Variants in SGCZ observed in about 807,000 individuals in gnomAD.
SGCZ encodes the protein sarcoglycan zeta.
SGCZ carries 40 observed loss-of-function variants against 41.3 expected under a neutral mutation model. That is an observed-to-expected ratio of 0.97 (90% CI 0.75 to 1.26). The LOEUF is 1.26. SGCZ is among the 50% of genes most tolerant of loss of function. The pLI, the probability that SGCZ is intolerant of heterozygous loss-of-function variation, is 0.00. For missense variants in SGCZ, 552 were observed against 369.8 expected, an observed-to-expected ratio of 1.49 and a Z score of -4.04; for synonymous variants, 206 against 137.5, an observed-to-expected ratio of 1.50 and a Z score of -3.49.
chr8:14,801,147 A>T (rs1801308165), intron 1 of SGCZ, among the ~76,000 whole-genome samples: 1 of 152,110 alleles, frequency 6.6e-6, no homozygotes, highest in Non-Finnish European at 1.5e-5. Flanking sequence ...AATAACGAAG[A>T]TCGCATTGGT....
intron 2 of SGCZ, among the ~76,000 whole-genome samples, chr8:14,432,545 G>T (rs745349967): frequency 6.6e-6 from 1 of 152,246 alleles, no homozygotes; most frequent in Non-Finnish European, 1.5e-5. Flanking sequence ...TGAGAAGGGG[G>T]TGAGGGATAC....
At chr8:14,598,523 A>G (rs1805487535) in intron 1 of SGCZ, among the ~76,000 whole-genome samples, 1 of 151,690 alleles carries the variant, frequency 6.6e-6, no homozygotes, top group Non-Finnish European at 1.5e-5. Flanking sequence ...AGTTTTATAT[A>G]TATACATAGC....
At chr8:14,590,514 T>G (rs1478529633) in intron 1 of SGCZ, among the ~76,000 whole-genome samples, 2 of 151,286 alleles carry the variant, frequency 1.3e-5, no homozygotes, top group African/African-American at 4.8e-5. Context: ...TTCTTTAAAA[T>G]TATGTTTTTT....
At chr8:14,844,016 T>C (rs1803015642) in intron 1 of SGCZ, among the ~76,000 whole-genome samples, 1 of 150,876 alleles carries the variant, frequency 6.6e-6, no homozygotes, top group African/African-American at 2.4e-5. Context: ...TTATATATCA[T>C]ATAAATAATA....
chr8:14,928,590 T>C (rs373971764), intron 1 of SGCZ, among the ~76,000 whole-genome samples: 21 of 152,316 alleles, frequency 1.4e-4, no homozygotes, highest in African/African-American at 5.1e-4. Flanking sequence ...GAAAACAAAG[T>C]AGTTTACACA....
chr8:14,574,629 T>C (rs1804654822), intron 1 of SGCZ, among the ~76,000 whole-genome samples: 1 of 152,190 alleles, frequency 6.6e-6, no homozygotes, highest in Non-Finnish European at 1.5e-5. Flanking sequence ...TTATTGAACC[T>C]AAGAATAAAA....
At chr8:14,291,095 C>G (rs1455459897) in intron 3 of SGCZ, among the ~76,000 whole-genome samples, 3 of 152,142 alleles carry the variant, frequency 2.0e-5, no homozygotes, top group Non-Finnish European at 4.4e-5. Context: ...AAAGATATCA[C>G]TCATGTGTGG....
At chr8:14,992,707 T>G (rs1802062294) in intron 1 of SGCZ, among the ~76,000 whole-genome samples, 1 of 91,046 alleles carries the variant, frequency 1.1e-5, no homozygotes, top group African/African-American at 4.8e-5. Context: ...CCCCCACCCA[T>G]CCTCCTCATT....
rs527617900 is a variant in SGCZ at position 14,879,057 on chromosome 8, G to A, written c.40-324131C>T. ...ACCTAATTGTAGGCCAGGTGTGGTG[G>A]CTCATGCCTGTAATTCCAACACTTT... is the stretch of plus-strand genomic sequence containing the variant. On this transcript the variant is annotated intron_variant, in intron 1 of 7. Coordinates refer to ENST00000382080, the MANE Select transcript of SGCZ (RefSeq NM_139167.4). The A allele has an allele frequency of 3.9e-5, 6 of 152,346 alleles. No homozygotes were observed. In the South Asian group the frequency reaches 1.0e-3, roughly 26 times the overall value. The allele number at this position is 152,346 out of a possible 1,614,324, so 9.4% of individuals were successfully genotyped here. A position where few individuals can be genotyped will look rare whatever the true frequency, so the allele number is the denominator to read the frequency against.
rs1803855266 is a variant in SGCZ at position 14,551,571 on chromosome 8, T to TA, written c.234+3160dup. Among the ~76,000 whole-genome samples the TA allele has an allele frequency of 5.6e-4, 9 of 16,122 alleles. No individual in the cohort carries two copies. The South Asian group carries it at 0.012, about 21-fold the overall frequency. 10.6% of individuals were successfully genotyped at this position (16,122 alleles called of 152,430 possible). A position where few individuals can be genotyped will look rare whatever the true frequency, so the allele number is the denominator to read the frequency against. Reference sequence around the variant, plus strand: ...TATATAATATATATTATATATATAATATATATATAATATATATAATATATA... The same window carrying TA: ...TATATAATATATATTATATATATAATAATATATATAATATATATAATATATA... On this transcript the variant is annotated intron_variant, in intron 2 of 7. Coordinates refer to ENST00000382080, the MANE Select transcript of SGCZ (RefSeq NM_139167.4).
rs923695985 is a variant in SGCZ at position 15,139,011 on chromosome 8, T to C, written c.39+98574A>G. On this transcript the variant is annotated intron_variant, in intron 1 of 7. Coordinates refer to ENST00000382080, the MANE Select transcript of SGCZ (RefSeq NM_139167.4). Reference sequence around the variant, plus strand: ...AAATAGATGGACACTTAATGCTGGATTTAAGCATGCCCTAAGTTAAGTACT... The same window carrying C: ...AAATAGATGGACACTTAATGCTGGACTTAAGCATGCCCTAAGTTAAGTACT... 2.6e-5 allele frequency among the ~76,000 whole-genome samples: 4 copies of C among 152,178 alleles called. No individual in the cohort carries two copies. In the South Asian group the frequency reaches 8.3e-4, roughly 32 times the overall value.
At chr8:14,656,204 T>C (rs1563182728) in intron 1 of SGCZ, among the ~76,000 whole-genome samples, 1 of 82,166 alleles carries the variant, frequency 1.2e-5, no homozygotes, top group African/African-American at 3.9e-5. Context: ...AAAGCAGAGA[T>C]AAAGTGTCTT....
chr8:14,237,175 G>A (rs1157884290), intron 4 of SGCZ, among the ~76,000 whole-genome samples: 1 of 151,948 alleles, frequency 6.6e-6, no homozygotes, highest in Non-Finnish European at 1.5e-5. Context: ...GAAAAATGGT[G>A]CATTTCATAA....
intron 3 of SGCZ, among the ~76,000 whole-genome samples, chr8:14,283,293 A>G (rs561400992): frequency 6.6e-6 from 1 of 152,238 alleles, no homozygotes; most frequent in South Asian, 2.1e-4. Context: ...CTGCTCAATT[A>G]ATTCTGAGCC....
Position 14,669,821 on chromosome 8 carries a change from C to A in SGCZ, c.40-114895G>T, listed in dbSNP as rs563578721. Among the ~76,000 whole-genome samples, 17 of 152,174 alleles carry A rather than the reference C, an allele frequency of 1.1e-4. No individual in the cohort carries two copies. In the East Asian group the frequency reaches 3.3e-3, roughly 29 times the overall value. The stretch of plus-strand genomic sequence containing the variant: ...TGTTGAAATGGGAGTGCAGATATCT[C>A]ATCGAGATCCTCACTTTACTTCCTT... On this transcript the variant is annotated intron_variant, in intron 1 of 7. Transcript: ENST00000382080.
chr8:14,469,682 A>C (rs1585557427), intron 2 of SGCZ, among the ~76,000 whole-genome samples: 1 of 151,718 alleles, frequency 6.6e-6, no homozygotes, highest in African/African-American at 2.4e-5. Flanking sequence ...AGAACTTTCA[A>C]CCTCACCCCT....
chr8:14,605,962 A>G (rs1805735109), intron 1 of SGCZ, among the ~76,000 whole-genome samples: 1 of 150,470 alleles, frequency 6.6e-6, no homozygotes, highest in Admixed American at 6.7e-5. Context: ...GGCAGTTTCT[A>G]TAAACTCTCT....
chr8:14,237,245 G>C (rs1468275901), intron 4 of SGCZ, among the ~76,000 whole-genome samples: 2 of 152,104 alleles, frequency 1.3e-5, no homozygotes, highest in Non-Finnish European at 1.5e-5. Context: ...ACATTGGCAA[G>C]AGTAATAACT....
intron 1 of SGCZ, among the ~76,000 whole-genome samples, chr8:14,821,213 G>A (rs1323653353): frequency 6.6e-6 from 1 of 151,942 alleles, no homozygotes; most frequent in Non-Finnish European, 1.5e-5. Flanking sequence ...AAATTTGATA[G>A]CACAGAAGAA....
Sources: gnomAD v4.1 joint callset for allele counts (sites outside exome capture counted in the v4.1 genomes callset) on GRCh38, gnomAD v4.1.1 for gene constraint, MANE v1.5 for transcripts, NCBI Gene and HGNC (gene_info 2026-07-23, HGNC 2026-07-21) for gene names.